Variants in FRAS1 observed in about 807,000 individuals in gnomAD.
FRAS1 encodes the protein Fraser extracellular matrix complex subunit 1.
Under a neutral mutation model 435.2 loss-of-function variants are expected in FRAS1, and 290 were observed. That is an observed-to-expected ratio of 0.67 (90% CI 0.61 to 0.73). The LOEUF is 0.73. Among genes scored for constraint, FRAS1 ranks in the 30% least tolerant of loss-of-function variants. FRAS1 has a pLI of 0.00. For synonymous variants in FRAS1, 1,800 were observed against 1,851.0 expected (o/e 0.97, Z 0.71); for missense variants, 4,860 against 5,001.5 (o/e 0.97, Z 0.85).
chr4:78,286,729 A>G (rs1727625103), intron 14 of FRAS1, among the ~76,000 whole-genome samples, 190 bp downstream of exon 14: 2 of 152,216 alleles, frequency 1.3e-5, no homozygotes, highest in South Asian at 4.1e-4. Context: ...AGATGTTTTA[A>G]TAACCTTATT....
intron 15 of FRAS1, among the ~76,000 whole-genome samples, chr4:78,312,881 GAAAGAA>G (rs1317022695): frequency 6.7e-6 from 1 of 148,932 alleles, no homozygotes; most frequent in Non-Finnish European, 1.5e-5. Flanking sequence ...GAGAGAGAGA[GAAAGAA>G]AGAAAGAAAG....
intron 16 of FRAS1, 60 bp downstream of exon 16, chr4:78,315,794 T>C: frequency 6.3e-7 from 1 of 1,586,088 alleles, no homozygotes; most frequent in South Asian, 1.1e-5. Context: ...TTGACTATAC[T>C]TGGTGTTATA....
chr4:78,419,147 T>C (rs894892830), intron 33 of FRAS1, 84 bp downstream of exon 33: 1 of 706,708 alleles, frequency 1.4e-6, no homozygotes, highest in Non-Finnish European at 2.3e-6. Flanking sequence ...GAGTTTTGTC[T>C]GCTTGTATAC....
intron 19 of FRAS1, among the ~76,000 whole-genome samples, chr4:78,336,924 CCT>C (rs1730193497): frequency 6.6e-6 from 1 of 152,184 alleles, no homozygotes; most frequent in Non-Finnish European, 1.5e-5. Context: ...GCTGCAGCCG[CCT>C]CTGATTCTTT....
At chr4:78,516,044 T>G (rs1721199936) in intron 66 of FRAS1, 31 bp downstream of exon 66, 1 of 1,524,776 alleles carries the variant, frequency 6.6e-7, no homozygotes, top group Non-Finnish European at 9.0e-7. Flanking sequence ...CTGAGGACTC[T>G]GCATATGGGT....
At chr4:78,258,900 C>T (rs1412356100) in intron 6 of FRAS1, among the ~76,000 whole-genome samples, 1 of 110,570 alleles carries the variant, frequency 9.0e-6, no homozygotes, top group South Asian at 3.6e-4. Flanking sequence ...TGTTCCCCTT[C>T]CTGTGTCCAT....
At position 78,526,932 on chromosome 4, in the gene FRAS1, G is replaced by T. The variant is rs1209910207; in HGVS notation, c.10925+275G>T. 6.6e-5 allele frequency among the ~76,000 whole-genome samples: 10 copies of T among 151,952 alleles called. No homozygotes were observed. The South Asian group carries it at 2.1e-3, about 32-fold the overall frequency. On this transcript the variant is annotated intron_variant, in intron 70 of 73. Transcript: ENST00000512123. ...TCAGTGCCATGTTTTTTGCATTTTT[G>T]TGCCTTTTGTTGATGATTTCTCCAT...
rs912991135 is a variant in FRAS1, at chr4:78,234,453, C to G, written c.109-3057C>G. ...TGTTAGCCAGGATGATCTCGATCTCCTGACCTCGTGATCCACCCGCCTCGG... is the reference window on the plus strand; with the variant it reads ...TGTTAGCCAGGATGATCTCGATCTCGTGACCTCGTGATCCACCCGCCTCGG... On this transcript the variant is annotated intron_variant, in intron 2 of 73. Coordinates refer to ENST00000512123, the MANE Select transcript of FRAS1 (RefSeq NM_025074.7). Among the ~76,000 whole-genome samples, 20 of 152,096 alleles carry G rather than the reference C, an allele frequency of 1.3e-4. 1 individual carries two copies. Among genetic ancestry groups the G allele is most frequent in the Non-Finnish European group, 2.1e-4 (14 of 68,022 alleles).
intron 2 of FRAS1, among the ~76,000 whole-genome samples, chr4:78,169,607 T>C (rs1422657132): frequency 6.6e-6 from 1 of 152,152 alleles, no homozygotes; most frequent in Non-Finnish European, 1.5e-5. Flanking sequence ...ATTTTATTAT[T>C]ATCAAGCCCT....
At chr4:78,120,765 A>G (rs914018769) in intron 2 of FRAS1, among the ~76,000 whole-genome samples, 10 of 152,198 alleles carry the variant, frequency 6.6e-5, no homozygotes, top group South Asian at 2.1e-4. Flanking sequence ...GAGTCTTAGG[A>G]CACTTAAGCC....
At position 78,464,118 on chromosome 4, in the gene FRAS1, CT is replaced by C; in HGVS notation, c.6864del (p.Phe2288LeufsTer10). 6.2e-7 allele frequency: 1 copy of C among 1,613,298 alleles called. No homozygotes were observed. Among genetic ancestry groups the C allele is most frequent in the Non-Finnish European group, 8.5e-7 (1 of 1,179,758 alleles). ...EAEKHSDAFS[F>X]TLSDGVSEVT... ...CTGAGAAACATTCAGATGCCTTCAG[CT>C]TTACACTGTCTGATGGAGTCAGTGA... On this transcript the variant is annotated frameshift_variant, in exon 48 of 74. Coordinates refer to ENST00000512123, the MANE Select transcript of FRAS1 (RefSeq NM_025074.7). LOFTEE classifies it high-confidence loss of function.
Position 78,315,616 on chromosome 4 carries a change from T to C in FRAS1, c.1701T>C (p.Ser567=), listed in dbSNP as rs779938848. ...TCSACDQSCD[S]CGPSSPRCLT... is the part of the protein sequence containing the mutation. ...TAGCTTGTGACCAATCCTGTGACAG[T>C]TGTGGCCCCAGTAGCCCCAGGTGTC... The change falls in exon 16 of 74, where the codon AGT becomes AGC. Residue 567 remains serine, a synonymous_variant. Coordinates refer to ENST00000512123, the MANE Select transcript of FRAS1 (RefSeq NM_025074.7). The C allele has an allele frequency of 3.7e-6, 6 of 1,613,096 alleles. No individual in the cohort carries two copies. The highest frequency in any genetic ancestry group is 2.2e-5 in the East Asian group (1 of 44,868).
intron 59 of FRAS1, among the ~76,000 whole-genome samples, chr4:78,496,341 T>C (rs17003281): frequency 0.024 from 3,678 of 152,302 alleles, 174 homozygotes; most frequent in African/African-American, 0.083. Flanking sequence ...CGCAAAGCCT[T>C]TCTGATTTCT....
At chr4:78,218,134 A>ACACACACACAC (rs1471926143) in intron 2 of FRAS1, among the ~76,000 whole-genome samples, 86 of 126,774 alleles carry the variant, frequency 6.8e-4, no homozygotes, top group East Asian at 2.3e-3. Flanking sequence ...ACACACACAC[A>ACACACACACAC]AGTTGTATTT....
In FRAS1 at chr4:78,483,766, AACTCTCTCTCTCTCT is replaced by A. The variant is rs1462558524; in HGVS notation, c.8752+1232_8752+1246del. Among the ~76,000 whole-genome samples the A allele has an allele frequency of 1.9e-3, 40 of 20,932 alleles. 3 individuals are homozygous for A. The Admixed American group carries it at 0.025, about 13-fold the overall frequency. 13.7% of individuals were successfully genotyped at this position (20,932 alleles called of 152,430 possible). A position where few individuals can be genotyped will look rare whatever the true frequency, so the allele number is the denominator to read the frequency against. Reference sequence around the variant, plus strand: ...TGTTTATCCTTCAGGAGAAAAAAAAAACTCTCTCTCTCTCTCTATATATATATATATAAAATTATG... The same window carrying A: ...TGTTTATCCTTCAGGAGAAAAAAAAACTATATATATATATATAAAATTATG... On this transcript the variant is annotated intron_variant, in intron 58 of 73. Transcript: ENST00000512123.
intron 14 of FRAS1, among the ~76,000 whole-genome samples, chr4:78,299,177 G>T (rs1010161836): frequency 6.6e-6 from 1 of 152,204 alleles, no homozygotes; most frequent in Admixed American, 6.5e-5. Flanking sequence ...CACAGAATTG[G>T]TGTGCAAGGG....
At chr4:78,307,563 C>G (rs570210339) in intron 14 of FRAS1, among the ~76,000 whole-genome samples, 3 of 152,202 alleles carry the variant, frequency 2.0e-5, no homozygotes, top group Non-Finnish European at 2.9e-5. Context: ...CCTGGTGCGC[C>G]GTTTTTTAAG....
chr4:78,517,729 A>G (rs1320558677), intron 66 of FRAS1, among the ~76,000 whole-genome samples: 1 of 152,156 alleles, frequency 6.6e-6, no homozygotes, highest in Non-Finnish European at 1.5e-5. Flanking sequence ...GGCATGCAGT[A>G]AATATTTGTT....
chr4:78,464,900 A>G (rs1450117763), intron 49 of FRAS1, among the ~76,000 whole-genome samples: 1 of 152,166 alleles, frequency 6.6e-6, no homozygotes, highest in Non-Finnish European at 1.5e-5. Context: ...ATTTTACCCA[A>G]TGTTATTATT....
Sources: gnomAD v4.1 joint callset for allele counts (sites outside exome capture counted in the v4.1 genomes callset) on GRCh38, gnomAD v4.1.1 for gene constraint, MANE v1.5 for transcripts, NCBI Gene and HGNC (gene_info 2026-07-23, HGNC 2026-07-21) for gene names.